SVIL: variants seen among roughly 807,000 people sequenced by gnomAD.
SVIL encodes the protein supervillin.
SVIL carries 101 observed loss-of-function variants against 240.4 expected under a neutral mutation model. That is an observed-to-expected ratio of 0.42 (90% CI 0.36 to 0.50). SVIL has a LOEUF of 0.50. SVIL is among the 20% of genes least tolerant of loss of function. The pLI, the probability that SVIL is intolerant of heterozygous loss-of-function variation, is 0.01. For missense variants in SVIL, 2,512 were observed against 2,818.7 expected (o/e 0.89, Z 2.46); for synonymous variants, 999 against 1,100.0 (o/e 0.91, Z 1.82).
chr10:29,481,388 G>A lies in SVIL; in HGVS notation c.5100+196C>T, dbSNP rs191958730. Among the ~76,000 whole-genome samples, 540 of 152,040 alleles carry A rather than the reference G, an allele frequency of 3.6e-3. 6 individuals are homozygous for A. Among genetic ancestry groups the A allele is most frequent in the Middle Eastern group, 0.024 (7 of 294 alleles). On this transcript the variant is annotated intron_variant, in intron 28 of 37. Transcript: ENST00000355867. Reference sequence around the variant, plus strand: ...GCTCTGGTTTTCTCCTGCACAGTGGGGTGACTGTTTTCCAATACTGTATTG... The same window carrying A: ...GCTCTGGTTTTCTCCTGCACAGTGGAGTGACTGTTTTCCAATACTGTATTG...
chr10:29,620,260 A>C (rs1237244602), intron 1 of SVIL, among the ~76,000 whole-genome samples: 2 of 151,988 alleles, frequency 1.3e-5, no homozygotes, highest in Non-Finnish European at 2.9e-5. Flanking sequence ...AGAAAAGAGA[A>C]TATAGGAAGA....
rs149729212 is a variant in SVIL, at chr10:29,494,762, A to T, written c.3841+152T>A. Reference sequence around the variant, plus strand: ...TTCAAGAAAAAAATGTATTATTGGGAGTCCCCAATTTAGTACGTTATCAAG... The same window carrying T: ...TTCAAGAAAAAAATGTATTATTGGGTGTCCCCAATTTAGTACGTTATCAAG... On this transcript the variant is annotated intron_variant, in intron 20 of 37. Coordinates refer to ENST00000355867, the MANE Select transcript of SVIL (RefSeq NM_021738.3). 3,221 of 707,130 alleles carry T rather than the reference A, an allele frequency of 4.6e-3. 77 individuals carry two copies. The African/African-American group carries it at 0.051, about 11-fold the overall frequency. The allele number at this position is 707,130 out of a possible 1,614,324, so 43.8% of individuals were successfully genotyped here. A position where few individuals can be genotyped will look rare whatever the true frequency, so the allele number is the denominator to read the frequency against.
At chr10:29,680,317 G>C (rs1960537409) in intron 2 of SVIL, among the ~76,000 whole-genome samples, 1 of 152,202 alleles carries the variant, frequency 6.6e-6, no homozygotes, top group South Asian at 2.1e-4. Context: ...CTAGCTTCTT[G>C]GAGGAGGCAC....
At chr10:29,507,336 A>G (rs1358580894) in intron 17 of SVIL, among the ~76,000 whole-genome samples, 7 of 152,188 alleles carry the variant, frequency 4.6e-5, no homozygotes, top group South Asian at 2.1e-4. Flanking sequence ...ATCGAAGCTC[A>G]GAGGCTGAAA....
chr10:29,518,296 G>C (rs953232990), intron 16 of SVIL, among the ~76,000 whole-genome samples: 8 of 152,162 alleles, frequency 5.3e-5, no homozygotes, highest in African/African-American at 1.7e-4. Flanking sequence ...GCTGAGGCAG[G>C]AGAATCGCTT....
At chr10:29,582,026 C>T (rs985339817) in intron 1 of SVIL, among the ~76,000 whole-genome samples, 2 of 152,092 alleles carry the variant, frequency 1.3e-5, no homozygotes, top group African/African-American at 4.8e-5. Context: ...CATTCAGAGA[C>T]AGATAGTAGA....
At chr10:29,598,335 A>G (rs555891746) in intron 1 of SVIL, among the ~76,000 whole-genome samples, 4 of 152,360 alleles carry the variant, frequency 2.6e-5, no homozygotes, top group African/African-American at 9.6e-5. Context: ...TAATACCACC[A>G]AACTGTACAC....
chr10:29,481,668 C>T lies in SVIL; in HGVS notation c.5016G>A (p.Thr1672=), dbSNP rs545687072. 6 of 1,613,912 alleles carry T rather than the reference C, an allele frequency of 3.7e-6. No individual in the cohort carries two copies. Among genetic ancestry groups the T allele is most frequent in the African/African-American group, 2.7e-5 (2 of 74,844 alleles). ...IFGRLTEHNE[T]ILFKEKFLDW... is the part of the protein sequence containing the mutation. ...CCAGAAACTTCTCTTTGAACAAAAT[C>T]GTCTCATTGTGTTCAGTAAGTCTCC... The change falls in exon 28 of 38, where the codon ACG becomes ACA. Residue 1672 remains threonine (T), a synonymous_variant. Coordinates refer to ENST00000355867, the MANE Select transcript of SVIL (RefSeq NM_021738.3).
At chr10:29,584,190 G>A (rs1005909080) in intron 1 of SVIL, among the ~76,000 whole-genome samples, 62 of 152,332 alleles carry the variant, frequency 4.1e-4, no homozygotes, top group African/African-American at 1.4e-3. Context: ...GGACAGTGTG[G>A]GAGCTGGAAC....
At chr10:29,720,846 A>G (rs1295667774) in intron 1 of SVIL, among the ~76,000 whole-genome samples, 1 of 152,162 alleles carries the variant, frequency 6.6e-6, no homozygotes, top group East Asian at 1.9e-4. Flanking sequence ...TACTCTAAAT[A>G]GTTTGTTGGT....
chr10:29,730,858 G>C (rs1246459164), intron 1 of SVIL, among the ~76,000 whole-genome samples: 1 of 152,192 alleles, frequency 6.6e-6, no homozygotes, highest in Non-Finnish European at 1.5e-5. Flanking sequence ...AAAAAGGATT[G>C]TGATTGATGC....
At chr10:29,600,451 A>T (rs2132835762) in intron 1 of SVIL, among the ~76,000 whole-genome samples, 1 of 152,208 alleles carries the variant, frequency 6.6e-6, no homozygotes, top group African/African-American at 2.4e-5. Context: ...AGGCATGGGA[A>T]TTTTTTTAAA....
intron 1 of SVIL, among the ~76,000 whole-genome samples, chr10:29,701,566 C>G (rs1432192344): frequency 1.3e-5 from 2 of 151,688 alleles, no homozygotes; most frequent in African/African-American, 4.9e-5. Context: ...TTTTAATTTT[C>G]CCTATTGAAA....
intron 1 of SVIL, among the ~76,000 whole-genome samples, chr10:29,719,250 T>C (rs572414426): frequency 5.9e-5 from 9 of 152,314 alleles, no homozygotes; most frequent in African/African-American, 1.7e-4. Flanking sequence ...CCTTAAGCAA[T>C]AGGATATAAA....
chr10:29,470,481 C>T lies in SVIL; in HGVS notation c.5638G>A (p.Glu1880Lys). 6.2e-7 allele frequency: 1 copy of T among 1,614,108 alleles called. No homozygotes were observed. The highest frequency in any genetic ancestry group is 8.5e-7 in the Non-Finnish European group (1 of 1,180,030). The change falls in exon 32 of 38, where the codon GAG (glutamate) becomes AAG (lysine). Residue 1880 changes from glutamate to lysine, a missense_variant and splice_region_variant. Physicochemically the swap from Glu to Lys is moderately conservative, Grantham distance 56. Coordinates refer to ENST00000355867, the MANE Select transcript of SVIL (RefSeq NM_021738.3). ...CCACGCACGCAGTACAGCCGCCACT[C>T]ACCTGCAGGGGGCACCGGCGGCGCG... The part of the protein sequence containing the change: ...REEEEENVQS[E>K]WRLYCVRGEV...
At chr10:29,475,041 G>A (rs1448857561) in intron 29 of SVIL, among the ~76,000 whole-genome samples, 1 of 152,144 alleles carries the variant, frequency 6.6e-6, no homozygotes, top group Non-Finnish European at 1.5e-5. Context: ...CAGTCACAGG[G>A]AGGTTACAGG....
chr10:29,673,577 G>T (rs373559467), intron 2 of SVIL, among the ~76,000 whole-genome samples: 15 of 132,354 alleles, frequency 1.1e-4, no homozygotes, highest in South Asian at 2.5e-4. Flanking sequence ...ATGGCATTAG[G>T]GGGGAGAGAG....
intron 1 of SVIL, among the ~76,000 whole-genome samples, chr10:29,694,447 A>C (rs563673271): frequency 2.0e-5 from 3 of 151,488 alleles, no homozygotes; most frequent in South Asian, 4.2e-4. Context: ...TTACATTACA[A>C]GCATTTCCCA....
At chr10:29,640,654 C>A (rs554199477) in intron 3 of SVIL, among the ~76,000 whole-genome samples, 1 of 152,206 alleles carries the variant, frequency 6.6e-6, no homozygotes, top group African/African-American at 2.4e-5. Context: ...ACCTCCCCAT[C>A]GGCAACTTGG....
Sources: allele counts gnomAD v4.1 joint callset (sites outside exome capture counted in the v4.1 genomes callset), GRCh38; gene constraint gnomAD v4.1.1; transcripts MANE v1.5; gene names NCBI Gene and HGNC (gene_info 2026-07-23, HGNC 2026-07-21).